CCDC186: variants seen among roughly 807,000 people sequenced by gnomAD.
The protein encoded by CCDC186 is coiled-coil domain containing 186.
CCDC186 carries 49 observed loss-of-function variants against 113.7 expected under a neutral mutation model. The observed-to-expected ratio is 0.43, with a 90% CI of 0.34 to 0.55. The LOEUF (loss-of-function observed/expected upper bound fraction) is 0.55, where lower values mean the gene tolerates loss of function less well. Ranked by LOEUF, CCDC186 falls within the 20% of genes least tolerant of loss-of-function variation. The pLI is 0.02. For synonymous variants in CCDC186, 355 were observed against 345.8 expected, an observed-to-expected ratio of 1.03 and a Z score of -0.30; for missense variants, 890 against 1,011.1, an observed-to-expected ratio of 0.88 and a Z score of 1.62.
chr10:114,158,088 G>A lies in CCDC186; in HGVS notation c.633-408C>T, dbSNP rs1185217469. 2.0e-5 allele frequency among the ~76,000 whole-genome samples: 3 copies of A among 152,208 alleles called. No homozygotes were observed. The East Asian group carries it at 5.8e-4, about 29-fold the overall frequency. On this transcript the variant is annotated intron_variant, in intron 2 of 15. Coordinates refer to ENST00000369287, the MANE Select transcript of CCDC186 (RefSeq NM_018017.4). The stretch of plus-strand genomic sequence containing the variant: ...ATTTTTGGTTGTCCTAACAAGGGTA[G>A]GGGCTGCTACTGGCATCTAGTGGAT...
At chr10:114,129,578 C>T (rs971378543) in intron 13 of CCDC186, among the ~76,000 whole-genome samples, 4 of 151,930 alleles carry the variant, frequency 2.6e-5, no homozygotes, top group Admixed American at 6.6e-5. Context: ...GCTCTGTTGC[C>T]CAGGCTGGAG....
intron 1 of CCDC186, 90 bp downstream of exon 1, chr10:114,173,925 G>A: frequency 4.7e-6 from 2 of 425,056 alleles, no homozygotes; most frequent in Non-Finnish European, 9.6e-6. Flanking sequence ...CCCCGCCACG[G>A]AACGTGCAGG....
At chr10:114,145,358 T>C (rs2031602474) in intron 5 of CCDC186, among the ~76,000 whole-genome samples, 191 bp downstream of exon 5, 1 of 152,092 alleles carries the variant, frequency 6.6e-6, no homozygotes, top group African/African-American at 2.4e-5. Context: ...CTAGCAAACC[T>C]TTTCTCTGCA....
At position 114,157,554 on chromosome 10, in the gene CCDC186, C is replaced by T; in HGVS notation, c.759G>A (p.Gln253=). 1 of 1,582,368 alleles carries T rather than the reference C, an allele frequency of 6.3e-7. No individual in the cohort carries two copies. The change falls in exon 3 of 16, where the codon CAG becomes CAA. Residue 253 remains glutamine (Q), a splice_region_variant and synonymous_variant. Coordinates refer to ENST00000369287, the MANE Select transcript of CCDC186 (RefSeq NM_018017.4). The part of the protein sequence containing the change: ...TEKQHMNTIK[Q]LESRIEELNK... ...CTTCGAAGATTTTTGTCTTTTTTAC[C>T]TGTTTAATTGTGTTCATATGCTGCT...
Position 114,144,280 on chromosome 10 carries a change from G to A in CCDC186, c.1221+217C>T, listed in dbSNP as rs181894917. Among the ~76,000 whole-genome samples the A allele has an allele frequency of 3.4e-3, 512 of 152,132 alleles. 3 individuals are homozygous for A. The highest frequency in any genetic ancestry group is 5.2e-3 in the Non-Finnish European group (353 of 67,970). On this transcript the variant is annotated intron_variant, in intron 6 of 15. Coordinates refer to ENST00000369287, the MANE Select transcript of CCDC186 (RefSeq NM_018017.4). ...ACCCCATTTAATATGTAAATAATGT[G>A]AGGACATTTCTTTTTCATAATCACC...
intron 10 of CCDC186, among the ~76,000 whole-genome samples, chr10:114,133,252 A>G (rs1230020776): frequency 6.6e-6 from 1 of 152,154 alleles, no homozygotes; most frequent in African/African-American, 2.4e-5. Context: ...TAGCATCACT[A>G]ATACTTTGTG....
chr10:114,158,613 C>A (rs1318585764), intron 2 of CCDC186, among the ~76,000 whole-genome samples: 1 of 151,342 alleles, frequency 6.6e-6, no homozygotes, highest in Non-Finnish European at 1.5e-5. Context: ...CCAGGAGTCC[C>A]AGGAAAAGCA....
chr10:114,173,131 G>A (rs1476946429), intron 1 of CCDC186: 3 of 426,456 alleles, frequency 7.0e-6, no homozygotes, highest in African/African-American at 4.1e-5. Context: ...CAGAGAAAAC[G>A]GCCAAGTACC....
chr10:114,149,645 AT>A (rs71007458), intron 4 of CCDC186, among the ~76,000 whole-genome samples: 105,119 of 105,404 alleles, frequency 1, 52,418 homozygotes, highest in South Asian at 1. Flanking sequence ...AGGGGAGGGA[AT>A]GCGAAGGAAG....
chr10:114,171,265 G>T (rs2032485603), intron 1 of CCDC186, among the ~76,000 whole-genome samples: 2 of 152,010 alleles, frequency 1.3e-5, no homozygotes, highest in Admixed American at 6.6e-5. Flanking sequence ...TCCTTTACAG[G>T]TGGCTCACAC....
At chr10:114,132,615 G>T (rs1179171662) in intron 10 of CCDC186, among the ~76,000 whole-genome samples, 2 of 152,296 alleles carry the variant, frequency 1.3e-5, no homozygotes, top group South Asian at 4.1e-4. Flanking sequence ...AACTGCCACA[G>T]ATATTACATG....
At chr10:114,173,841 C>T (rs1379409583) in intron 1 of CCDC186, among the ~76,000 whole-genome samples, 174 bp downstream of exon 1, 2 of 152,378 alleles carry the variant, frequency 1.3e-5, no homozygotes, top group South Asian at 2.1e-4. Flanking sequence ...CAGCCCTCCC[C>T]TTCCTCCGCG....
At chr10:114,156,844 A>C (rs1278677156) in intron 3 of CCDC186, among the ~76,000 whole-genome samples, 1 of 152,232 alleles carries the variant, frequency 6.6e-6, no homozygotes, top group Non-Finnish European at 1.5e-5. Context: ...GTTTTTAAAA[A>C]TACTGAGAAT....
intron 1 of CCDC186, among the ~76,000 whole-genome samples, chr10:114,164,401 G>A (rs1280023300): frequency 1.3e-5 from 2 of 151,880 alleles, no homozygotes; most frequent in Non-Finnish European, 2.9e-5. Flanking sequence ...GGAATTACAG[G>A]GGTGAGCCAC....
At chr10:114,162,455 T>C in intron 2 of CCDC186, 182 bp downstream of exon 2, 3 of 505,770 alleles carry the variant, frequency 5.9e-6, no homozygotes, top group East Asian at 3.2e-5. Flanking sequence ...AACTCAGATA[T>C]CTGAAAAACT....
intron 1 of CCDC186, 81 bp from the exon 2 acceptor site, chr10:114,163,410 ATAAC>A (rs1326710627): frequency 9.0e-7 from 1 of 1,109,682 alleles, no homozygotes; most frequent in Non-Finnish European, 1.3e-6. Context: ...GTGATGTGGA[ATAAC>A]TAACACCACA....
intron 3 of CCDC186, among the ~76,000 whole-genome samples, chr10:114,156,529 C>T (rs1461354540): frequency 6.6e-6 from 1 of 152,150 alleles, no homozygotes; most frequent in Non-Finnish European, 1.5e-5. Context: ...AGTTCAAGAC[C>T]AGCCTAGCCA....
chr10:114,157,115 A>T (rs2032032388), intron 3 of CCDC186, among the ~76,000 whole-genome samples: 1 of 152,114 alleles, frequency 6.6e-6, no homozygotes. Context: ...AATGCCATGC[A>T]ATTCTCTGCA....
chr10:114,137,800 G>A (rs150682097), intron 6 of CCDC186, among the ~76,000 whole-genome samples: 2,040 of 152,124 alleles, frequency 0.013, 54 homozygotes, highest in African/African-American at 0.046. Flanking sequence ...ACTTTGGGGG[G>A]CTGAGGTGGG....
Sources: gnomAD v4.1 joint callset for allele counts (sites outside exome capture counted in the v4.1 genomes callset) on GRCh38, gnomAD v4.1.1 for gene constraint, MANE v1.5 for transcripts, NCBI Gene and HGNC (gene_info 2026-07-23, HGNC 2026-07-21) for gene names.